The following TENM1 variants were observed in gnomAD, a reference collection of about 807,000 sequenced individuals.
TENM1 encodes the protein teneurin transmembrane protein 1.
A neutral mutation model predicts 174.8 loss-of-function variants in TENM1; 35 were observed. The ratio of observed to expected loss-of-function variants is 0.20; its 90% CI spans 0.15 to 0.27. The LOEUF is 0.27. Ranked by LOEUF, TENM1 falls within the 10% of genes least tolerant of loss-of-function variation. TENM1 has a pLI of 1.00. For missense variants in TENM1, 1,633 were observed against 2,130.1 expected (o/e 0.77, Z 4.59); for synonymous variants, 781 against 798.7 (o/e 0.98, Z 0.37).
intron 22 of TENM1, among the ~76,000 whole-genome samples, chrX:124,478,673 C>T (rs191861920): frequency 1.6e-3 from 181 of 111,876 alleles, no homozygotes; most frequent in African/African-American, 5.3e-3. Context: ...CCTAGATGTA[C>T]ATTTCCATTT....
chrX:125,198,690 T>A, the TENM1 span, among the ~76,000 whole-genome samples: 1 of 111,425 alleles, frequency 9.0e-6, no homozygotes, highest in African/African-American at 3.3e-5. Flanking sequence ...CAGGCTGGCA[T>A]GAAATTAAAT....
At position 124,750,958 on chromosome X, in the gene TENM1, G is replaced by A. The variant is rs989588390; in HGVS notation, c.536-13761C>T. ...TGTAAGTCCGATTCAATATGCTCAAGCACACATCATTAAATGTTTCCTTTT... is the reference window on the plus strand; with the variant it reads ...TGTAAGTCCGATTCAATATGCTCAAACACACATCATTAAATGTTTCCTTTT... On this transcript the variant is annotated intron_variant, in intron 3 of 31. Coordinates refer to ENST00000422452, the Ensembl canonical transcript of TENM1. 3.6e-5 allele frequency among the ~76,000 whole-genome samples: 4 copies of A among 112,276 alleles called. No homozygotes were observed. In the East Asian group the frequency reaches 1.1e-3, roughly 31 times the overall value.
At chrX:124,837,701 C>T (rs975525213) in intron 3 of TENM1, among the ~76,000 whole-genome samples, 2 of 110,900 alleles carry the variant, frequency 1.8e-5, no homozygotes, top group African/African-American at 6.6e-5. Context: ...TCCACTGGGC[C>T]TATGGGATGA....
the TENM1 span, among the ~76,000 whole-genome samples, chrX:125,116,104 A>T: frequency 8.9e-6 from 1 of 111,878 alleles, no homozygotes; most frequent in African/African-American, 3.3e-5. Flanking sequence ...ATCTACAACC[A>T]TCTGATCTTT....
intron 3 of TENM1, among the ~76,000 whole-genome samples, chrX:124,780,043 T>C (rs1243221965): frequency 8.9e-6 from 1 of 111,857 alleles, no homozygotes; most frequent in Non-Finnish European, 1.9e-5. Context: ...AAGAGGATCA[T>C]TCTTCCCAGT....
chrX:125,159,256 C>T, the TENM1 span, among the ~76,000 whole-genome samples: 1 of 112,243 alleles, frequency 8.9e-6, no homozygotes, highest in Admixed American at 9.4e-5. Context: ...CCTTGGAACG[C>T]TCAGACTGAA....
intron 22 of TENM1, among the ~76,000 whole-genome samples, chrX:124,473,400 A>C (rs7058145): frequency 1.8e-5 from 2 of 111,126 alleles, no homozygotes; most frequent in Non-Finnish European, 3.8e-5. Flanking sequence ...CTTCTTTTTC[A>C]TCAGCTGAGG....
intron 3 of TENM1, among the ~76,000 whole-genome samples, chrX:124,820,704 T>C (rs921996562): frequency 8.9e-6 from 1 of 112,222 alleles, no homozygotes; most frequent in Non-Finnish European, 1.9e-5. Context: ...TTAGGGGCCA[T>C]AATCCACTTA....
In TENM1 at chrX:124,587,490, A is replaced by T. The variant is rs1337888048; in HGVS notation, c.2078-21930T>A. Among the ~76,000 whole-genome samples, 1,048 of 110,806 alleles carry T rather than the reference A, an allele frequency of 9.5e-3. 18 individuals are homozygous for T. Among genetic ancestry groups the T allele is most frequent in the African/African-American group, 0.032 (975 of 30,241 alleles). ...CTGGGAAAACTGGCTAGCCATATGG[A>T]GAAAGCTGAAACTGGATCCCTTCCT... On this transcript the variant is annotated intron_variant, in intron 11 of 31. Coordinates refer to ENST00000422452, the Ensembl canonical transcript of TENM1.
chrX:124,844,993 T>C (rs112198898), intron 3 of TENM1, among the ~76,000 whole-genome samples: 3,099 of 111,044 alleles, frequency 0.028, 119 homozygotes, highest in African/African-American at 0.097. Flanking sequence ...TAGAGATTTG[T>C]ATGTATAAGA....
At chrX:124,399,756 C>G (rs932066350) in intron 27 of TENM1, among the ~76,000 whole-genome samples, 1 of 111,134 alleles carries the variant, frequency 9.0e-6, no homozygotes. Flanking sequence ...GGCTTGAGTC[C>G]AGGAGTTCAA....
chrX:124,645,435 G>T, intron 9 of TENM1, 98 bp from the exon 13 acceptor site: 1 of 832,342 alleles, frequency 1.2e-6, no homozygotes, highest in Non-Finnish European at 1.7e-6. Context: ...GCAAAAAATT[G>T]TACTATTTCT....
intron 3 of TENM1, among the ~76,000 whole-genome samples, chrX:124,814,667 C>G (rs765558207): frequency 5.4e-5 from 6 of 111,311 alleles, no homozygotes; most frequent in Non-Finnish European, 9.4e-5. Context: ...CCATGGCCTG[C>G]GTAACCAAGT....
Position 124,713,825 on chromosome X carries a change from A to T in TENM1, c.777-8574T>A, listed in dbSNP as rs181826924. On this transcript the variant is annotated intron_variant, in intron 4 of 31. Coordinates refer to ENST00000422452, the Ensembl canonical transcript of TENM1. ...GAACAAAGGTTGGGTAGTCTAAGGT[A>T]AGTGTTCTATTTGCGGGCAAATATT... Among the ~76,000 whole-genome samples, 6 of 112,153 alleles carry T rather than the reference A, an allele frequency of 5.3e-5. No individual in the cohort carries two copies. The East Asian group carries it at 1.7e-3, about 31-fold the overall frequency.
chrX:124,883,404 G>A (rs1465578023), intron 3 of TENM1, among the ~76,000 whole-genome samples: 1 of 112,589 alleles, frequency 8.9e-6, no homozygotes, highest in Non-Finnish European at 1.9e-5. Flanking sequence ...AAGTTTTGCT[G>A]CAGATGAGGA....
At chrX:124,382,573 A>G in intron 31 of TENM1, 97 bp downstream of exon 34, 1 of 867,712 alleles carries the variant, frequency 1.2e-6, no homozygotes, top group Non-Finnish European at 1.6e-6. Flanking sequence ...CAAGAAGACT[A>G]AAAAATCAGT....
chrX:124,770,978 C>T (rs1399967191), intron 3 of TENM1, among the ~76,000 whole-genome samples: 3 of 111,776 alleles, frequency 2.7e-5, no homozygotes, highest in Admixed American at 1.9e-4. Context: ...TCCAATACAC[C>T]GTGCACAGCA....
At chrX:125,005,191 C>CAT in the TENM1 span, among the ~76,000 whole-genome samples, 1 of 5,387 alleles carries the variant, frequency 1.9e-4, no homozygotes, top group Admixed American at 2.4e-3. Flanking sequence ...TGTATACATA[C>CAT]ACACACACAC....
At chrX:125,086,408 CAG>C in the TENM1 span, among the ~76,000 whole-genome samples, 1 of 110,160 alleles carries the variant, frequency 9.1e-6, no homozygotes, top group Non-Finnish European at 1.9e-5. Context: ...ATCAACTAAA[CAG>C]AAAAAAACAT....
Sources: allele counts gnomAD v4.1 joint callset (sites outside exome capture counted in the v4.1 genomes callset), GRCh38; gene constraint gnomAD v4.1.1; transcripts MANE v1.5; gene names NCBI Gene and HGNC (gene_info 2026-07-23, HGNC 2026-07-21).